CDH13: variants seen among roughly 807,000 people sequenced by gnomAD.
CDH13 encodes the protein cadherin-13.
CDH13 carries 24 observed loss-of-function variants against 63.8 expected under a neutral mutation model. The ratio of observed to expected loss-of-function variants is 0.38; its 90% CI spans 0.27 to 0.53. The LOEUF (loss-of-function observed/expected upper bound fraction) is 0.53. Among genes scored for constraint, CDH13 ranks in the 20% least tolerant of loss-of-function variants. The pLI is 0.85. For synonymous variants in CDH13, 503 were observed against 355.3 expected, an observed-to-expected ratio of 1.42 and a Z score of -4.67; for missense variants, 1,049 against 903.1, an observed-to-expected ratio of 1.16 and a Z score of -2.07.
chr16:82,641,802 C>G (rs1160315921), intron 1 of CDH13, among the ~76,000 whole-genome samples: 2 of 152,064 alleles, frequency 1.3e-5, no homozygotes, highest in African/African-American at 4.8e-5. Flanking sequence ...TAAGACAGGC[C>G]AAGTCCCTGC....
chr16:82,822,440 T>C lies in CDH13; in HGVS notation c.46-35922T>C, dbSNP rs369962638. Among the ~76,000 whole-genome samples the C allele has an allele frequency of 5.9e-5, 9 of 152,358 alleles. No individual in the cohort carries two copies. In the East Asian group the frequency reaches 1.7e-3, roughly 29 times the overall value. On this transcript the variant is annotated intron_variant, in intron 1 of 13. Transcript: ENST00000567109. ...GCACATTCACATACAAATTTACTTT[T>C]TTAAAAAATAAAAGTTAGGTTAAAT...
intron 2 of CDH13, among the ~76,000 whole-genome samples, chr16:82,952,918 G>T (rs1188849241): frequency 6.6e-6 from 1 of 152,212 alleles, no homozygotes; most frequent in Non-Finnish European, 1.5e-5. Context: ...GCTGCCAGGT[G>T]CTCTGACAAA....
chr16:83,518,127 A>T (rs1394028534), intron 7 of CDH13, among the ~76,000 whole-genome samples: 1 of 141,160 alleles, frequency 7.1e-6, no homozygotes, highest in East Asian at 2.1e-4. Flanking sequence ...TGAGTGAGAT[A>T]TCATGAGATG....
At chr16:83,022,067 C>A (rs954586126) in intron 2 of CDH13, among the ~76,000 whole-genome samples, 3 of 152,168 alleles carry the variant, frequency 2.0e-5, no homozygotes, top group African/African-American at 7.2e-5. Context: ...AGACTCTGGA[C>A]TAAGCCCTGT....
At chr16:83,372,464 A>G (rs917117740) in intron 6 of CDH13, among the ~76,000 whole-genome samples, 2 of 152,086 alleles carry the variant, frequency 1.3e-5, no homozygotes, top group Non-Finnish European at 2.9e-5. Context: ...CTCTATTCTT[A>G]GAGAAAGGGT....
intron 6 of CDH13, among the ~76,000 whole-genome samples, chr16:83,424,185 A>T (rs1324437783): frequency 3.3e-5 from 5 of 151,992 alleles, no homozygotes; most frequent in African/African-American, 1.2e-4. Context: ...TCTAACACGT[A>T]CTGAACAGTC....
intron 1 of CDH13, among the ~76,000 whole-genome samples, chr16:82,791,352 G>C (rs1326030228): frequency 6.6e-6 from 1 of 152,118 alleles, no homozygotes; most frequent in Non-Finnish European, 1.5e-5. Flanking sequence ...TTGTAAAGAG[G>C]GTTCACTAAA....
intron 5 of CDH13, among the ~76,000 whole-genome samples, chr16:83,226,847 C>T (rs1429658850): frequency 1.3e-5 from 2 of 151,620 alleles, no homozygotes; most frequent in Non-Finnish European, 2.9e-5. Context: ...AATGCAGGGG[C>T]ACGGTGGGGG....
intron 7 of CDH13, among the ~76,000 whole-genome samples, chr16:83,521,356 AG>A (rs1369566265): frequency 1.3e-5 from 2 of 152,152 alleles, no homozygotes; most frequent in Non-Finnish European, 2.9e-5. Context: ...AAAAAAAAAA[AG>A]AATGGAAAAA....
intron 2 of CDH13, among the ~76,000 whole-genome samples, chr16:82,927,894 C>A (rs911665180): frequency 2.6e-5 from 4 of 152,194 alleles, no homozygotes; most frequent in African/African-American, 7.2e-5. Context: ...ATAAACAATT[C>A]TTGAACCCTT....
intron 2 of CDH13, among the ~76,000 whole-genome samples, chr16:82,904,209 G>C (rs1379456817): frequency 6.6e-6 from 1 of 152,130 alleles, no homozygotes; most frequent in Non-Finnish European, 1.5e-5. Context: ...GGCATCTTTT[G>C]TAATAAATAC....
In CDH13 at chr16:83,226,549, T is replaced by C. The variant is rs527985360; in HGVS notation, c.636+9052T>C. Among the ~76,000 whole-genome samples the C allele has an allele frequency of 3.3e-5, 5 of 152,342 alleles. No homozygotes were observed. In the East Asian group the frequency reaches 9.7e-4, roughly 29 times the overall value. Reference sequence around the variant, plus strand: ...AGCACACATCCATGGAATGAATAAATGACAGGATGGCTACCCTTTTTTTTC... The same window carrying C: ...AGCACACATCCATGGAATGAATAAACGACAGGATGGCTACCCTTTTTTTTC... On this transcript the variant is annotated intron_variant, in intron 5 of 13. Transcript: ENST00000567109.
intron 6 of CDH13, among the ~76,000 whole-genome samples, chr16:83,455,317 G>C (rs1317301470): frequency 6.6e-6 from 1 of 152,180 alleles, no homozygotes; most frequent in South Asian, 2.1e-4. Context: ...ATGGCAGATG[G>C]ACATTCAACC....
At chr16:83,025,590 A>G (rs1482658854) in intron 2 of CDH13, among the ~76,000 whole-genome samples, 3 of 152,070 alleles carry the variant, frequency 2.0e-5, no homozygotes, top group African/African-American at 7.3e-5. Flanking sequence ...GAGTTATAGG[A>G]ACTACAATTC....
At chr16:83,747,397 G>A (rs1429279383) in intron 10 of CDH13, among the ~76,000 whole-genome samples, 1 of 152,050 alleles carries the variant, frequency 6.6e-6, no homozygotes, top group African/African-American at 2.4e-5. Context: ...TCACTCTCTC[G>A]TCTGCCACCA....
rs1242681810 is a variant in CDH13 at position 82,843,179 on chromosome 16, TTC to T, written c.46-15181_46-15180del. 3.3e-5 allele frequency among the ~76,000 whole-genome samples: 5 copies of T among 152,318 alleles called. No individual in the cohort carries two copies. The South Asian group carries it at 1.0e-3, about 32-fold the overall frequency. On this transcript the variant is annotated intron_variant, in intron 1 of 13. Transcript: ENST00000567109. Reference sequence around the variant, plus strand: ...CAGCATGTCAGTCTTTCCTATAATGTTCTGTGTTTCTTGAAGATAGGGACCTT... The same window carrying T: ...CAGCATGTCAGTCTTTCCTATAATGTTGTGTTTCTTGAAGATAGGGACCTT...
At chr16:82,873,175 G>C (rs1473183804) in intron 2 of CDH13, among the ~76,000 whole-genome samples, 1 of 152,162 alleles carries the variant, frequency 6.6e-6, no homozygotes, top group East Asian at 1.9e-4. Context: ...GGCTGAGGGA[G>C]TAACTCATGT....
intron 9 of CDH13, among the ~76,000 whole-genome samples, chr16:83,676,423 C>T (rs745392969): frequency 6.6e-6 from 1 of 152,166 alleles, no homozygotes; most frequent in South Asian, 2.1e-4. Flanking sequence ...AGGCTCTGTC[C>T]CCTCCAGGAT....
At chr16:82,739,403 G>C (rs76739896) in intron 1 of CDH13, among the ~76,000 whole-genome samples, 2,169 of 152,222 alleles carry the variant, frequency 0.014, 48 homozygotes, top group African/African-American at 0.05. Flanking sequence ...CTTAGTCCCT[G>C]AGTCTTATTC....
Sources: gnomAD v4.1 joint callset for allele counts (sites outside exome capture counted in the v4.1 genomes callset) on GRCh38, gnomAD v4.1.1 for gene constraint, MANE v1.5 for transcripts, NCBI Gene and HGNC (gene_info 2026-07-23, HGNC 2026-07-21) for gene names.